Variants in EXOC4 observed in about 807,000 individuals in gnomAD.
EXOC4 encodes the protein SEC8-like 1.
Under a neutral mutation model 107.2 loss-of-function variants are expected in EXOC4, and 71 were observed. That is an observed-to-expected ratio of 0.66 (90% CI 0.55 to 0.81). EXOC4 has a LOEUF of 0.81. EXOC4 is among the 30% of genes least tolerant of loss of function. The pLI, the probability that EXOC4 is intolerant of heterozygous loss-of-function variation, is 0.00. For synonymous variants in EXOC4, 456 were observed against 441.2 expected (o/e 1.03, Z -0.42); for missense variants, 1,108 against 1,189.6 (o/e 0.93, Z 1.01).
intron 9 of EXOC4, among the ~76,000 whole-genome samples, chr7:133,572,987 T>C (rs781031299): frequency 4.6e-5 from 7 of 152,192 alleles, no homozygotes; most frequent in Non-Finnish European, 1.0e-4. Flanking sequence ...GAAAGCACTA[T>C]CCAGATTCTA....
chr7:133,702,701 G>A (rs142032269), intron 10 of EXOC4, among the ~76,000 whole-genome samples: 35 of 152,130 alleles, frequency 2.3e-4, no homozygotes, highest in African/African-American at 6.7e-4. Flanking sequence ...CTAGGGATGA[G>A]GAAGCATTGT....
In EXOC4 at chr7:133,381,588, A is replaced by G. The variant is rs558665006; in HGVS notation, c.1182+6586A>G. 2.0e-5 allele frequency among the ~76,000 whole-genome samples: 3 copies of G among 152,274 alleles called. No homozygotes were observed. The South Asian group carries it at 6.2e-4, about 32-fold the overall frequency. ...AAGAGTTTAGCATAAATGAAGGTTT[A>G]TTTTGTGGATCTGATGAAAAGCTTG... On this transcript the variant is annotated intron_variant, in intron 7 of 17. Coordinates refer to ENST00000253861, the MANE Select transcript of EXOC4 (RefSeq NM_021807.4).
chr7:133,790,154 A>G (rs1314502646), intron 10 of EXOC4, among the ~76,000 whole-genome samples: 1 of 152,222 alleles, frequency 6.6e-6, no homozygotes, highest in African/African-American at 2.4e-5. Flanking sequence ...AATATGGTCA[A>G]TGAATCAGTG....
intron 10 of EXOC4, among the ~76,000 whole-genome samples, chr7:133,640,193 A>G (rs1282498746): frequency 2.6e-5 from 4 of 152,162 alleles, no homozygotes; most frequent in Admixed American, 2.6e-4. Context: ...GCTTATATTG[A>G]CAGTCAATCC....
chr7:133,646,271 T>C (rs959097110), intron 10 of EXOC4, among the ~76,000 whole-genome samples: 2 of 152,178 alleles, frequency 1.3e-5, no homozygotes, highest in East Asian at 1.9e-4. Flanking sequence ...AATTTTGTCA[T>C]ACACTTTGGA....
At chr7:133,328,551 G>T (rs1447470014) in intron 5 of EXOC4, among the ~76,000 whole-genome samples, 4 of 152,190 alleles carry the variant, frequency 2.6e-5, no homozygotes, top group Non-Finnish European at 4.4e-5. Flanking sequence ...TGTTTTTGCA[G>T]TGGTTGGTAC....
At chr7:133,691,055 A>G (rs570717246) in intron 10 of EXOC4, among the ~76,000 whole-genome samples, 1 of 152,220 alleles carries the variant, frequency 6.6e-6, no homozygotes, top group Non-Finnish European at 1.5e-5. Context: ...GCATCTGTTC[A>G]TTCTCACTTG....
chr7:133,895,708 A>T lies in EXOC4; in HGVS notation c.1844A>T (p.Tyr615Phe). Residue 615 changes from tyrosine (Y) to phenylalanine (F), a missense_variant, in exon 12 of 18, where the codon TAC becomes TTC. By Grantham distance (22) the Tyr-to-Phe change is conservative (BLOSUM62 3). Transcript: ENST00000253861. The part of the protein sequence containing the change: ...LNMVCVKLQE[Y>F]KDTCTAAYRG... ...ATGGTGTGCGTGAAGCTCCAGGAGT[A>T]CAAGGACACCTGCACTGCAGCTTAC... 1 of 1,614,150 alleles carries T rather than the reference A, an allele frequency of 6.2e-7. No homozygotes were observed. The highest frequency in any genetic ancestry group is 8.5e-7 in the Non-Finnish European group (1 of 1,179,998).
At chr7:133,345,980 C>T (rs1264764718) in intron 5 of EXOC4, among the ~76,000 whole-genome samples, 3 of 152,078 alleles carry the variant, frequency 2.0e-5, no homozygotes, top group Non-Finnish European at 4.4e-5. Flanking sequence ...TTTGAAAGAC[C>T]CTAATCAAAA....
At chr7:133,392,689 G>T (rs1796880001) in intron 7 of EXOC4, among the ~76,000 whole-genome samples, 1 of 152,168 alleles carries the variant, frequency 6.6e-6, no homozygotes, top group Non-Finnish European at 1.5e-5. Context: ...GGCTACTGGA[G>T]AAGAGCTTGA....
intron 1 of EXOC4, among the ~76,000 whole-genome samples, chr7:133,264,946 G>A (rs1372600921): frequency 2.0e-5 from 3 of 151,984 alleles, no homozygotes; most frequent in East Asian, 1.9e-4. Flanking sequence ...TCTCAGATTG[G>A]CCCTTTAGTA....
intron 7 of EXOC4, among the ~76,000 whole-genome samples, chr7:133,442,525 C>T (rs182641797): frequency 2.0e-5 from 3 of 152,248 alleles, no homozygotes; most frequent in Admixed American, 6.5e-5. Flanking sequence ...CTGAAACACC[C>T]TCGAGGCATG....
At chr7:134,100,667 C>A in the EXOC4 span, among the ~76,000 whole-genome samples, 1 of 131,324 alleles carries the variant, frequency 7.6e-6, no homozygotes, top group Non-Finnish European at 1.7e-5. Context: ...ATTTTGGAGC[C>A]AGGCACGGTG....
intron 10 of EXOC4, among the ~76,000 whole-genome samples, chr7:133,653,030 C>T (rs1423396998): frequency 6.6e-6 from 1 of 152,078 alleles, no homozygotes; most frequent in Non-Finnish European, 1.5e-5. Flanking sequence ...ATTAGGTTAA[C>T]TCCTAGGCAG....
chr7:133,429,953 C>T (rs1455729834), intron 7 of EXOC4, among the ~76,000 whole-genome samples: 1 of 152,194 alleles, frequency 6.6e-6, no homozygotes, highest in East Asian at 1.9e-4. Flanking sequence ...CGCTTTTGGG[C>T]TCCAGCCCCA....
intron 10 of EXOC4, among the ~76,000 whole-genome samples, chr7:133,763,211 A>G (rs1466276133): frequency 6.6e-6 from 1 of 152,116 alleles, no homozygotes; most frequent in Non-Finnish European, 1.5e-5. Flanking sequence ...CCCCCCTGCC[A>G]CAGCCTCTGC....
chr7:133,945,337 C>A (rs949471424), intron 14 of EXOC4, among the ~76,000 whole-genome samples: 2 of 152,220 alleles, frequency 1.3e-5, no homozygotes, highest in African/African-American at 2.4e-5. Flanking sequence ...TCTTTAATTT[C>A]TGTCACTCTC....
intron 17 of EXOC4, among the ~76,000 whole-genome samples, chr7:134,064,050 A>G (rs1403139259): frequency 6.6e-6 from 1 of 152,162 alleles, no homozygotes; most frequent in African/African-American, 2.4e-5. Flanking sequence ...AGCCACAGAA[A>G]GGTATGCGGC....
At chr7:133,822,519 T>C (rs1797545948) in intron 11 of EXOC4, among the ~76,000 whole-genome samples, 1 of 152,242 alleles carries the variant, frequency 6.6e-6, no homozygotes, top group African/African-American at 2.4e-5. Flanking sequence ...TGCCATACCC[T>C]TGCTACTTAG....
Sources: allele counts gnomAD v4.1 joint callset (sites outside exome capture counted in the v4.1 genomes callset), GRCh38; gene constraint gnomAD v4.1.1; transcripts MANE v1.5; gene names NCBI Gene and HGNC (gene_info 2026-07-23, HGNC 2026-07-21).